The following KANSL2 variants were observed in gnomAD, a reference collection of about 807,000 sequenced individuals.
KANSL2 encodes NSL complex protein NSL2.
In KANSL2, 34 loss-of-function variants were observed where a neutral mutation model predicts 55.6. The ratio of observed to expected loss-of-function variants is 0.61; its 90% CI spans 0.46 to 0.81. The LOEUF (loss-of-function observed/expected upper bound fraction) is 0.81, where lower values mean the gene tolerates loss of function less well. Ranked by LOEUF, KANSL2 falls within the 40% of genes least tolerant of loss-of-function variation. The pLI, the probability that KANSL2 is intolerant of heterozygous loss-of-function variation, is 0.00. For synonymous variants in KANSL2, 209 were observed against 214.3 expected (o/e 0.98, Z 0.22); for missense variants, 502 against 609.9 (o/e 0.82, Z 1.86).
At chr12:48,661,326 A>T in intron 7 of KANSL2, 4 of 401,614 alleles carry the variant, frequency 1.0e-5, no homozygotes, top group Non-Finnish European at 1.3e-5. Flanking sequence ...CTCTATTAAC[A>T]ACTTTTGTTA....
intron 7 of KANSL2, among the ~76,000 whole-genome samples, chr12:48,660,857 T>C (rs1939472904): frequency 1.3e-5 from 2 of 152,166 alleles, no homozygotes; most frequent in African/African-American, 2.4e-5. Context: ...CCAACCTCCT[T>C]TTCAGGATCC....
At chr12:48,669,348 G>T in intron 5 of KANSL2, 76 bp from the exon 6 acceptor site, 2 of 1,225,892 alleles carry the variant, frequency 1.6e-6, no homozygotes, top group South Asian at 3.2e-5. Context: ...CAAGTAAACA[G>T]GAAAATCCTT....
intron 8 of KANSL2, among the ~76,000 whole-genome samples, chr12:48,658,311 T>C (rs539464512): frequency 5.3e-5 from 8 of 152,284 alleles, no homozygotes; most frequent in African/African-American, 1.7e-4. Flanking sequence ...GGAATGTGTA[T>C]GTTTTCAGAA....
intron 7 of KANSL2, among the ~76,000 whole-genome samples, chr12:48,660,992 A>C (rs751982041): frequency 1.1e-4 from 17 of 152,180 alleles, no homozygotes; most frequent in Non-Finnish European, 2.4e-4. Context: ...AAATGCCCCT[A>C]AACAGCCCTT....
At chr12:48,667,417 G>A (rs1939621373) in intron 7 of KANSL2, 2 of 485,990 alleles carry the variant, frequency 4.1e-6, no homozygotes, top group Non-Finnish European at 7.8e-6. Context: ...CAAGTATTAA[G>A]GCTATAAATA....
At chr12:48,679,335 C>T (rs1939879963) in intron 3 of KANSL2, 185 bp from the exon 4 acceptor site, 2 of 666,886 alleles carry the variant, frequency 3.0e-6, no homozygotes, top group East Asian at 2.7e-5. Flanking sequence ...AGTAAGATTA[C>T]TTACAACATA....
At chr12:48,661,133 A>G (rs887011651) in intron 7 of KANSL2, 1 of 454,854 alleles carries the variant, frequency 2.2e-6, no homozygotes, top group Non-Finnish European at 2.9e-6. Flanking sequence ...GAATAGGGGG[A>G]AACAGAGCTC....
chr12:48,660,444 C>G lies in KANSL2; in HGVS notation c.1149G>C (p.Leu383=). The G allele has an allele frequency of 6.2e-7, 1 of 1,613,946 alleles. No homozygotes were observed. The highest frequency in any genetic ancestry group is 8.5e-7 in the Non-Finnish European group (1 of 1,179,868). ...AGTACAGATCCATGGGGCCGGCTTC[C>G]AGATCGTCTGGCACAGACAGTACCT... The part of the protein sequence containing the change: ...PEQVLSVPDD[L]EAGPMDLYLS... The change falls in exon 8 of 10, where the codon CTG becomes CTC. Residue 383 remains leucine, a synonymous_variant. Coordinates refer to ENST00000420613, the MANE Select transcript of KANSL2 (RefSeq NM_017822.4).
rs1273424682 is a variant in KANSL2 at position 48,682,223 on chromosome 12, C to T, written c.-46G>A. The T allele has an allele frequency of 6.2e-6, 4 of 641,882 alleles. No homozygotes were observed. Among genetic ancestry groups the T allele is most frequent in the South Asian group, 1.7e-5 (1 of 58,224 alleles). 39.8% of individuals were successfully genotyped at this position (641,882 alleles called of 1,614,324 possible). ...CGCTGCGCCGCACTCTGCCGCGCCGCTCGCCCTTCTCTAGTGGCGCCAGCG... is the reference window on the plus strand; with the variant it reads ...CGCTGCGCCGCACTCTGCCGCGCCGTTCGCCCTTCTCTAGTGGCGCCAGCG... On this transcript the variant is annotated 5_prime_UTR_variant, in exon 1 of 10. Coordinates refer to ENST00000420613, the MANE Select transcript of KANSL2 (RefSeq NM_017822.4).
intron 6 of KANSL2, 146 bp downstream of exon 6, chr12:48,668,960 T>C: frequency 1.9e-6 from 1 of 527,882 alleles, no homozygotes; most frequent in South Asian, 4.2e-5. Context: ...TGCTTGAAAC[T>C]GGGAGGCAGA....
In KANSL2 at chr12:48,669,147, T is replaced by C. The variant is rs1487884512; in HGVS notation, c.835A>G (p.Lys279Glu). ...GVEALLHRQLKERRMLATDGA... is the reference protein window; with the variant it reads ...GVEALLHRQLEERRMLATDGA... Reference sequence around the variant, plus strand: ...TCTGTGGCCAGCATTCTCCGTTCCTTCAACTGCCTATGCAGTAAGGCTTCC... The same window carrying C: ...TCTGTGGCCAGCATTCTCCGTTCCTCCAACTGCCTATGCAGTAAGGCTTCC... Residue 279 changes from lysine to glutamate, a missense_variant, in exon 6 of 10, where the codon AAG becomes GAG. Transcript: ENST00000420613. 7.7e-6 allele frequency: 12 copies of C among 1,551,120 alleles called. No homozygotes were observed. The highest frequency in any genetic ancestry group is 1.0e-5 in the Non-Finnish European group (12 of 1,146,730).
Position 48,664,569 on chromosome 12 carries a change from C to G in KANSL2, c.973+3124G>C, listed in dbSNP as rs1197666433. ...CCGGGATTACAGGCGTGAGCCACCG[C>G]ACCTGGCCTTTTTTTTTTTTTTTTT... On this transcript the variant is annotated intron_variant, in intron 7 of 9. Coordinates refer to ENST00000420613, the MANE Select transcript of KANSL2 (RefSeq NM_017822.4). 5.6e-5 allele frequency among the ~76,000 whole-genome samples: 8 copies of G among 142,934 alleles called. 1 individual carries two copies. The South Asian group carries it at 1.8e-3, about 32-fold the overall frequency. 93.8% of individuals were successfully genotyped at this position (142,934 alleles called of 152,430 possible).
At chr12:48,669,316 C>G (rs377414019) in intron 5 of KANSL2, 44 bp from the exon 6 acceptor site, 9 of 1,448,074 alleles carry the variant, frequency 6.2e-6, no homozygotes, top group African/African-American at 1.4e-5. Flanking sequence ...AGCAATCCAT[C>G]AAGGTTACGT....
chr12:48,668,716 T>C (rs1267013622), intron 6 of KANSL2, among the ~76,000 whole-genome samples: 1 of 152,022 alleles, frequency 6.6e-6, no homozygotes, highest in Non-Finnish European at 1.5e-5. Flanking sequence ...AGACTGGACA[T>C]AGTGTTTTGA....
At chr12:48,668,350 G>A (rs1049899352) in intron 6 of KANSL2, among the ~76,000 whole-genome samples, 1 of 152,218 alleles carries the variant, frequency 6.6e-6, no homozygotes, top group African/African-American at 2.4e-5. Flanking sequence ...CTGAGGCCCA[G>A]AAAATTTAAG....
At position 48,660,477 on chromosome 12, in the gene KANSL2, C is replaced by T. The variant is rs751229208; in HGVS notation, c.1116G>A (p.Lys372=). 2.5e-5 allele frequency: 40 copies of T among 1,613,868 alleles called. No homozygotes were observed. The East Asian group carries it at 8.5e-4, about 34-fold the overall frequency. Residue 372 remains lysine, a synonymous_variant, in exon 8 of 10, where the codon AAG becomes AAA. Coordinates refer to ENST00000420613, the MANE Select transcript of KANSL2 (RefSeq NM_017822.4). ...LHFQLPPQMY[K]PEQVLSVPDD... The stretch of plus-strand genomic sequence containing the variant: ...CTGGCACAGACAGTACCTGCTCGGG[C>T]TTATACATCTGAGGAGGCAACTGGA...
intron 1 of KANSL2, 85 bp downstream of exon 1, chr12:48,682,102 G>A (rs1199966654): frequency 4.3e-6 from 3 of 702,910 alleles, no homozygotes; most frequent in Admixed American, 2.0e-5. Flanking sequence ...CTGCTTTGAG[G>A]CGGAGTAGCA....
chr12:48,667,525 A>C, intron 7 of KANSL2, 168 bp downstream of exon 7: 1 of 743,964 alleles, frequency 1.3e-6, no homozygotes, highest in Non-Finnish European at 2.5e-6. Flanking sequence ...GACCATAGAA[A>C]GACAATTCTT....
chr12:48,669,074 G>C, intron 6 of KANSL2, 32 bp downstream of exon 6: 1 of 1,470,338 alleles, frequency 6.8e-7, no homozygotes, highest in Non-Finnish European at 9.1e-7. Context: ...TAAAGTGAAC[G>C]TATATACCTT....
Sources: gnomAD v4.1 joint callset for allele counts (sites outside exome capture counted in the v4.1 genomes callset) on GRCh38, gnomAD v4.1.1 for gene constraint, MANE v1.5 for transcripts, NCBI Gene and HGNC (gene_info 2026-07-23, HGNC 2026-07-21) for gene names.